Variants in C4orf50 observed in about 807,000 individuals in gnomAD.
C4orf50 encodes chromosome 4 open reading frame 50.
Under a neutral mutation model 77.2 loss-of-function variants are expected in C4orf50, and 80 were observed. That is an observed-to-expected ratio of 1.04 (90% CI 0.87 to 1.25). The LOEUF (loss-of-function observed/expected upper bound fraction) is 1.25, where lower values mean the gene tolerates loss of function less well. Ranked by LOEUF, C4orf50 falls within the 50% of genes most tolerant of loss-of-function variation. The probability of loss-of-function intolerance (pLI) is 0.00; values close to 1 mark genes in which losing one functional copy is unlikely to be tolerated. For synonymous variants in C4orf50, 532 were observed against 465.3 expected (o/e 1.14, Z -1.84); for missense variants, 1,257 against 1,152.9 (o/e 1.09, Z -1.31).
chr4:5,981,783 G>A (rs1720603536), intron 28 of C4orf50, among the ~76,000 whole-genome samples: 1 of 152,106 alleles, frequency 6.6e-6, no homozygotes, highest in Non-Finnish European at 1.5e-5. Flanking sequence ...AGTTCCGTTT[G>A]TGAAGATTTA....
Position 5,988,612 on chromosome 4 carries a change from GA to G in C4orf50, c.3433del (p.Ser1145GlnfsTer12). ...CTCCAAGGGTGGCCCACAGGCTCTT[GA>G]AAGCAGCTGTCCTGTGAGTGGAGTC... is the stretch of plus-strand genomic sequence containing the variant. On this transcript the variant is annotated frameshift_variant, in exon 28 of 34. Transcript: ENST00000531445. LOFTEE classifies it high-confidence loss of function. The G allele has an allele frequency of 8.5e-6, 13 of 1,535,920 alleles. No homozygotes were observed. The highest frequency in any genetic ancestry group is 1.1e-5 in the Non-Finnish European group (13 of 1,146,830).
chr4:5,904,646 C>T (rs761138362), intron 7 of C4orf50: 5 of 152,242 alleles, frequency 3.3e-5, no homozygotes, highest in African/African-American at 4.8e-5. Context: ...TCCTTTCTGC[C>T]GAGACTAGGG....
chr4:5,972,295 G>T (rs1487861940), intron 31 of C4orf50, among the ~76,000 whole-genome samples: 1 of 152,122 alleles, frequency 6.6e-6, no homozygotes, highest in Non-Finnish European at 1.5e-5. Flanking sequence ...GAGCCACCGC[G>T]CCCGGCCTGC....
intron 7 of C4orf50, among the ~76,000 whole-genome samples, chr4:5,948,140 G>A (rs1175355698): frequency 2.6e-5 from 4 of 152,216 alleles, no homozygotes; most frequent in Non-Finnish European, 5.9e-5. Context: ...CACAGAGCAG[G>A]CAGTTAGTAA....
At position 6,018,031 on chromosome 4, in the gene C4orf50, T is replaced by C. The variant is rs144182866; in HGVS notation, c.287+114A>G. ...GACTGCGTGGGCAGGTTACGTGTCT[T>C]TGGTGAGCCAGTTTCCCCAGCTGTG... On this transcript the variant is annotated intron_variant, in intron 23 of 33. Transcript: ENST00000531445. This position sits in a 1 kb window ranked among gnomAD's most constrained non-coding sequence, Gnocchi z 5.1. 8,878 of 397,516 alleles carry C rather than the reference T, an allele frequency of 0.022. 126 individuals are homozygous for C. The highest frequency in any genetic ancestry group is 0.031 in the Non-Finnish European group (7,044 of 225,908). 24.6% of individuals were successfully genotyped at this position (397,516 alleles called of 1,614,324 possible).
At chr4:5,973,876 C>T (rs770388551) in intron 30 of C4orf50, 35 bp from the exon 9 acceptor site, 3 of 1,544,558 alleles carry the variant, frequency 1.9e-6, no homozygotes, top group East Asian at 4.6e-5. Flanking sequence ...GCAGAGCTCC[C>T]ACCAGGGCTG....
intron 25 of C4orf50, among the ~76,000 whole-genome samples, chr4:5,996,000 C>A (rs770721009): frequency 6.6e-6 from 1 of 152,166 alleles, no homozygotes; most frequent in Non-Finnish European, 1.5e-5. Flanking sequence ...CAGGGAGACC[C>A]GCTGATCACC....
rs751838983 is a variant in C4orf50, at chr4:5,970,296, C to T, written c.4105-2834G>A. Among the ~76,000 whole-genome samples, 27 of 152,194 alleles carry T rather than the reference C, an allele frequency of 1.8e-4. No homozygotes were observed. Among genetic ancestry groups the T allele is most frequent in the African/African-American group, 3.1e-4 (13 of 41,526 alleles). ...GAACTCTAGAGAGGTTTTAGGAATC[C>T]GAGAACAGCCTTCCCTGAGGGACCA... On this transcript the variant is annotated intron_variant, in intron 31 of 33. Transcript: ENST00000531445. The surrounding 1 kb of genome is among the most constrained non-coding windows in gnomAD (Gnocchi z 4.3).
At chr4:5,915,612 G>C (rs1716997884) in intron 7 of C4orf50, among the ~76,000 whole-genome samples, 1 of 152,214 alleles carries the variant, frequency 6.6e-6, no homozygotes, top group South Asian at 2.1e-4. Flanking sequence ...AGGAAGAAAG[G>C]CTAGCAAACT....
rs917253993 is a variant in C4orf50, at chr4:5,908,134, A to C, written c.*2475-9946T>G. ...CTACTATATGCCAGGCACTGTGTTCAAGGCTATGGAGAATGTTGAGATGAA... is the reference window on the plus strand; with the variant it reads ...CTACTATATGCCAGGCACTGTGTTCCAGGCTATGGAGAATGTTGAGATGAA... On this transcript the variant is annotated intron_variant, in intron 7 of 7. Coordinates refer to the C4orf50 transcript ENST00000324058. This position sits in a 1 kb window ranked among gnomAD's most constrained non-coding sequence, Gnocchi z 5.6. Among the ~76,000 whole-genome samples, 1 of 152,146 alleles carries C rather than the reference A, an allele frequency of 6.6e-6. No homozygotes were observed. Among genetic ancestry groups the C allele is most frequent in the African/African-American group, 2.4e-5 (1 of 41,426 alleles).
downstream of C4orf50, among the ~76,000 whole-genome samples, chr4:5,954,467 G>A (rs1718862596): frequency 6.6e-6 from 1 of 152,118 alleles, no homozygotes; most frequent in Admixed American, 6.5e-5. The surrounding 1 kb of genome is among the most constrained non-coding windows in gnomAD (Gnocchi z 4.7). Context: ...TTCTGTAGCA[G>A]ATGAGGGAGG....
rs61026200 is a variant in C4orf50, at chr4:5,992,958, A to G, written c.1094-28T>C. 3,206 of 398,784 alleles carry G rather than the reference A, an allele frequency of 8.0e-3. 87 individuals are homozygous for G. Among genetic ancestry groups the G allele is most frequent in the African/African-American group, 0.061 (2,966 of 48,680 alleles). The allele number at this position is 398,784 out of a possible 1,614,324, so 24.7% of individuals were successfully genotyped here. On this transcript the variant is annotated intron_variant, in intron 26 of 33. Coordinates refer to ENST00000531445, the Ensembl canonical transcript of C4orf50. The surrounding 1 kb of genome is among the most constrained non-coding windows in gnomAD (Gnocchi z 5.0). ...GGAAAGCAACAAGACCCTGGGGGTT[A>G]CAAAGATGCTCCCAGGGGCTCTGCC...
chr4:5,973,446 C>T lies in C4orf50; in HGVS notation c.4104+213G>A, dbSNP rs74444712. Among the ~76,000 whole-genome samples, 671 of 152,296 alleles carry T rather than the reference C, an allele frequency of 4.4e-3. 4 individuals are homozygous for T. Among genetic ancestry groups the T allele is most frequent in the African/African-American group, 0.015 (632 of 41,560 alleles). ...GTGCCTTGCACCATTTCCTGAGCAC[C>T]ATAAAGGGTAAGGATTGCCAGATGC... is the stretch of plus-strand genomic sequence containing the variant. On this transcript the variant is annotated intron_variant, in intron 31 of 33. Transcript: ENST00000531445.
intron 28 of C4orf50, among the ~76,000 whole-genome samples, chr4:5,985,955 C>A (rs142968484): frequency 6.6e-6 from 1 of 151,970 alleles, no homozygotes; most frequent in East Asian, 1.9e-4. Flanking sequence ...GGTGACAGAG[C>A]GAGACAGCGT....
Position 5,932,389 on chromosome 4 carries a change from G to C in C4orf50, c.*2474+24512C>G, listed in dbSNP as rs1469139026. Among the ~76,000 whole-genome samples the C allele has an allele frequency of 6.6e-6, 1 of 152,132 alleles. No individual in the cohort carries two copies. Among genetic ancestry groups the C allele is most frequent in the Non-Finnish European group, 1.5e-5 (1 of 68,026 alleles). ...GGTGCTGTCCTGGTGCCCAAGTCCT[G>C]AACCTGAGGTGACCAGGTGATCATC... On this transcript the variant is annotated intron_variant, in intron 7 of 7. Coordinates refer to the C4orf50 transcript ENST00000324058. This position sits in a 1 kb window ranked among gnomAD's most constrained non-coding sequence, Gnocchi z 4.2.
intron 7 of C4orf50, among the ~76,000 whole-genome samples, chr4:5,911,722 T>C (rs1262092934): frequency 6.6e-6 from 1 of 152,148 alleles, no homozygotes; most frequent in Admixed American, 6.5e-5. Context: ...GTTTAACAAC[T>C]GGCTCTCAAA....
At chr4:5,994,505 C>T (rs376364662) in intron 25 of C4orf50, 29 bp from the exon 4 acceptor site, 14 of 399,118 alleles carry the variant, frequency 3.5e-5, no homozygotes, top group South Asian at 1.3e-4. Flanking sequence ...AGTCAGGAGC[C>T]GTCAGTGTCC....
intron 7 of C4orf50, among the ~76,000 whole-genome samples, chr4:5,913,519 T>C (rs12498814): frequency 0.39 from 59,664 of 152,172 alleles, 14,595 homozygotes; most frequent in East Asian, 0.75. Context: ...AAAATATAGA[T>C]GAGATAAAAT....
At chr4:5,946,869 T>G (rs1311568736) in intron 7 of C4orf50, among the ~76,000 whole-genome samples, 1 of 152,244 alleles carries the variant, frequency 6.6e-6, no homozygotes, top group Non-Finnish European at 1.5e-5. Context: ...AAAGATTGCC[T>G]TGCTGAGAGA....
Sources: allele counts gnomAD v4.1 joint callset (sites outside exome capture counted in the v4.1 genomes callset), GRCh38; gene constraint gnomAD v4.1.1; non-coding constraint Gnocchi (gnomAD v3.1); transcripts MANE v1.5; gene names NCBI Gene and HGNC (gene_info 2026-07-23, HGNC 2026-07-21).